The following MFHAS1 variants were observed in gnomAD, a reference collection of about 807,000 sequenced individuals.
MFHAS1 encodes malignant fibrous histiocytoma-amplified sequence 1.
A neutral mutation model predicts 70.4 loss-of-function variants in MFHAS1; 50 were observed. That is an observed-to-expected ratio of 0.71 (90% CI 0.57 to 0.90). The LOEUF (loss-of-function observed/expected upper bound fraction) is 0.90. Among genes scored for constraint, MFHAS1 ranks in the 40% least tolerant of loss-of-function variants. The pLI is 0.00. For synonymous variants in MFHAS1, 952 were observed against 620.0 expected (o/e 1.54, Z -7.96); for missense variants, 1,795 against 1,347.6 (o/e 1.33, Z -5.20).
chr8:8,844,600 G>A (rs778112726), intron 1 of MFHAS1, among the ~76,000 whole-genome samples: 6 of 152,148 alleles, frequency 3.9e-5, no homozygotes, highest in Admixed American at 2.6e-4. Flanking sequence ...GGGCATAAAC[G>A]GGAAGCTCCG....
At chr8:8,825,464 T>C (rs1237916098) in intron 1 of MFHAS1, among the ~76,000 whole-genome samples, 1 of 152,206 alleles carries the variant, frequency 6.6e-6, no homozygotes, top group African/African-American at 2.4e-5. Context: ...TGAGCCACCA[T>C]GCCCAGCCTA....
chr8:8,843,206 T>C (rs1807903022), intron 1 of MFHAS1, among the ~76,000 whole-genome samples: 3 of 150,978 alleles, frequency 2.0e-5, no homozygotes, highest in South Asian at 2.1e-4. Context: ...GAAGCGGAGC[T>C]TGCAGTGAGC....
At chr8:8,881,601 A>C (rs1193048762) in intron 1 of MFHAS1, among the ~76,000 whole-genome samples, 1 of 152,156 alleles carries the variant, frequency 6.6e-6, no homozygotes, top group Non-Finnish European at 1.5e-5. Flanking sequence ...TGGGAGGCTG[A>C]GGCGGGCGGA....
chr8:8,890,928 C>G lies in MFHAS1; in HGVS notation c.2131G>C (p.Gly711Arg). 1 of 1,614,060 alleles carries G rather than the reference C, an allele frequency of 6.2e-7. No individual in the cohort carries two copies. The highest frequency in any genetic ancestry group is 8.5e-7 in the Non-Finnish European group (1 of 1,180,018). ...CTGTCCTCAAAGTAGAGTAGCTTGC[C>G]GCTCTCATGCAGGTAGGAGAGGGCA... ...QSALSYLHES[G>R]KLLYFEDSPA... is the part of the protein sequence containing the mutation. The change falls in exon 1 of 3, where the codon GGC becomes CGC. Residue 711 changes from glycine to arginine, a missense_variant. Coordinates refer to ENST00000276282, the MANE Select transcript of MFHAS1 (RefSeq NM_004225.3).
chr8:8,879,848 A>G (rs1380825263), intron 1 of MFHAS1, among the ~76,000 whole-genome samples: 1 of 152,184 alleles, frequency 6.6e-6, no homozygotes, highest in African/African-American at 2.4e-5. Context: ...GACGACACTT[A>G]TCTAATCTGG....
At chr8:8,799,123 C>T (rs924101767) in intron 1 of MFHAS1, among the ~76,000 whole-genome samples, 1 of 151,910 alleles carries the variant, frequency 6.6e-6, no homozygotes, top group Non-Finnish European at 1.5e-5. Context: ...ATCCCTCAGA[C>T]ATGCGTTCCA....
intron 1 of MFHAS1, among the ~76,000 whole-genome samples, chr8:8,825,591 G>A (rs189931097): frequency 7.9e-5 from 12 of 152,144 alleles, no homozygotes; most frequent in Middle Eastern, 3.4e-3. Context: ...GCCTTCTCCC[G>A]GTGTCTTCAC....
intron 1 of MFHAS1, among the ~76,000 whole-genome samples, chr8:8,862,205 C>G (rs960811901): frequency 6.6e-6 from 1 of 152,116 alleles, no homozygotes; most frequent in Non-Finnish European, 1.5e-5. Flanking sequence ...TATGGTCAGT[C>G]TTTTTCATCT....
At chr8:8,874,216 C>T (rs888553510) in intron 1 of MFHAS1, among the ~76,000 whole-genome samples, 1 of 152,000 alleles carries the variant, frequency 6.6e-6, no homozygotes, top group African/African-American at 2.4e-5. Context: ...AGGTGGAGAA[C>T]GTACTTAGTT....
intron 1 of MFHAS1, among the ~76,000 whole-genome samples, chr8:8,865,699 T>C (rs1713934201): frequency 6.6e-6 from 1 of 152,254 alleles, no homozygotes; most frequent in Non-Finnish European, 1.5e-5. Flanking sequence ...TTGAAATTTC[T>C]AGTAATTATT....
intron 1 of MFHAS1, among the ~76,000 whole-genome samples, chr8:8,810,306 C>A (rs902956510): frequency 6.6e-6 from 1 of 152,194 alleles, no homozygotes; most frequent in Non-Finnish European, 1.5e-5. Flanking sequence ...GTGGAGGTTG[C>A]AGTGAGCCTA....
intron 1 of MFHAS1, among the ~76,000 whole-genome samples, chr8:8,819,256 T>C (rs879520850): frequency 1.7e-4 from 26 of 152,210 alleles, no homozygotes; most frequent in Non-Finnish European, 2.4e-4. Context: ...CATGCAAATA[T>C]ATATATTATA....
At chr8:8,865,396 A>C (rs1277831301) in intron 1 of MFHAS1, among the ~76,000 whole-genome samples, 10 of 152,096 alleles carry the variant, frequency 6.6e-5, no homozygotes. Context: ...AAAGGCAAAA[A>C]TCAGAAACTC....
At chr8:8,866,641 G>T (rs754031226) in intron 1 of MFHAS1, among the ~76,000 whole-genome samples, 1 of 152,138 alleles carries the variant, frequency 6.6e-6, no homozygotes, top group Non-Finnish European at 1.5e-5. Context: ...CTTATCCCTA[G>T]TAAAAAGGAT....
intron 1 of MFHAS1, among the ~76,000 whole-genome samples, chr8:8,886,695 A>G (rs926539451): frequency 1.3e-5 from 2 of 152,238 alleles, no homozygotes; most frequent in Non-Finnish European, 2.9e-5. Context: ...GTAACATCCC[A>G]AAGTTAAGAA....
chr8:8,811,056 C>G (rs944188417), intron 1 of MFHAS1, among the ~76,000 whole-genome samples: 1 of 152,002 alleles, frequency 6.6e-6, no homozygotes, highest in Non-Finnish European at 1.5e-5. Flanking sequence ...TAATATCTCG[C>G]GCAGGCAGAA....
chr8:8,796,001 A>C (rs1346751557), intron 2 of MFHAS1, among the ~76,000 whole-genome samples: 1 of 152,226 alleles, frequency 6.6e-6, no homozygotes, highest in Non-Finnish European at 1.5e-5. Flanking sequence ...ATCTGACCCA[A>C]GAAGATCTGT....
chr8:8,798,461 G>C (rs950054114), intron 1 of MFHAS1, among the ~76,000 whole-genome samples: 1 of 152,132 alleles, frequency 6.6e-6, no homozygotes, highest in Non-Finnish European at 1.5e-5. Context: ...AAATAGCTGG[G>C]ACCACAGGTA....
At chr8:8,862,766 C>G (rs1055360020) in intron 1 of MFHAS1, among the ~76,000 whole-genome samples, 1 of 152,162 alleles carries the variant, frequency 6.6e-6, no homozygotes, top group East Asian at 1.9e-4. Context: ...TCGATTGTAA[C>G]CAGTCCCACT....
Sources: allele counts gnomAD v4.1 joint callset (sites outside exome capture counted in the v4.1 genomes callset), GRCh38; gene constraint gnomAD v4.1.1; transcripts MANE v1.5; gene names NCBI Gene and HGNC (gene_info 2026-07-23, HGNC 2026-07-21).